The following MBP variants were observed in gnomAD, a reference collection of about 807,000 sequenced individuals.
The protein encoded by MBP is myelin basic protein, also known as Golli-MBP.
In MBP, 16 loss-of-function variants were observed where a neutral mutation model predicts 35.8. The observed-to-expected ratio is 0.45, with a 90% CI of 0.30 to 0.68. The LOEUF (loss-of-function observed/expected upper bound fraction) is 0.68, where lower values mean the gene tolerates loss of function less well. Among genes scored for constraint, MBP ranks in the 30% least tolerant of loss-of-function variants. MBP has a pLI of 0.08. For missense variants in MBP, 380 were observed against 404.7 expected, an observed-to-expected ratio of 0.94 and a Z score of 0.52; for synonymous variants, 143 against 159.6, an observed-to-expected ratio of 0.90 and a Z score of 0.78.
intron 2 of MBP, among the ~76,000 whole-genome samples, chr18:77,089,402 C>T (rs566365978): frequency 6.6e-6 from 1 of 152,314 alleles, no homozygotes; most frequent in Admixed American, 6.5e-5. Context: ...GGAGAGAAGA[C>T]AGAGAGCTAC....
intron 2 of MBP, among the ~76,000 whole-genome samples, chr18:77,069,723 G>T (rs1050364750): frequency 6.6e-6 from 1 of 152,184 alleles, no homozygotes; most frequent in African/African-American, 2.4e-5. Flanking sequence ...TTTCGAGGGT[G>T]GGGGCAGCAT....
intron 1 of MBP, 112 bp downstream of exon 1, chr18:77,132,468 G>T (rs1233857718): frequency 6.6e-6 from 1 of 152,200 alleles, no homozygotes; most frequent in Admixed American, 6.5e-5. Flanking sequence ...TGCGCCCCCG[G>T]CTCCCGCGGG....
intron 2 of MBP, among the ~76,000 whole-genome samples, chr18:77,094,837 A>G (rs1975694549): frequency 6.6e-6 from 1 of 152,178 alleles, no homozygotes; most frequent in Non-Finnish European, 1.5e-5. Context: ...TCGCTTAAAA[A>G]TATGACATTA....
At chr18:77,123,660 C>A (rs72973248) in intron 1 of MBP, among the ~76,000 whole-genome samples, 2,574 of 152,304 alleles carry the variant, frequency 0.017, 42 homozygotes, top group Non-Finnish European at 0.023. Context: ...AATTTGAATT[C>A]TCAGTGTAAT....
intron 1 of MBP, among the ~76,000 whole-genome samples, chr18:77,130,706 C>T (rs573885184): frequency 7.2e-4 from 108 of 150,182 alleles, no homozygotes; most frequent in South Asian, 4.4e-3. Flanking sequence ...TTCTTTTTTC[C>T]CCAGCGTTTC....
chr18:77,093,836 C>T (rs566115853), intron 2 of MBP, among the ~76,000 whole-genome samples: 1 of 152,300 alleles, frequency 6.6e-6, no homozygotes, highest in African/African-American at 2.4e-5. Context: ...GCTGCTGGCT[C>T]CCAAATGCAA....
chr18:77,088,172 C>T (rs919549920), intron 2 of MBP, among the ~76,000 whole-genome samples: 1 of 152,164 alleles, frequency 6.6e-6, no homozygotes, highest in African/African-American at 2.4e-5. Flanking sequence ...ATACTGTAGC[C>T]TGGGTGCTAT....
intron 2 of MBP, among the ~76,000 whole-genome samples, chr18:77,076,336 T>C (rs148158630): frequency 6.6e-6 from 1 of 152,204 alleles, no homozygotes; most frequent in Admixed American, 6.5e-5. Context: ...GGTGGGCCGT[T>C]TGAGTGCCCC....
chr18:77,056,247 T>A (rs2144730917), intron 3 of MBP, among the ~76,000 whole-genome samples: 1 of 152,364 alleles, frequency 6.6e-6, no homozygotes, highest in South Asian at 2.1e-4. Flanking sequence ...GGTGCTGCTC[T>A]AAACTGGAGG....
At position 76,979,745 on chromosome 18, in the gene MBP, C is replaced by G. The variant is rs1969072537; in HGVS notation, c.*682G>C. 1.7e-6 allele frequency: 1 copy of G among 576,958 alleles called. No homozygotes were observed. 35.7% of individuals were successfully genotyped at this position (576,958 alleles called of 1,614,324 possible). On this transcript the variant is annotated 3_prime_UTR_variant, in exon 9 of 9. Coordinates refer to ENST00000355994, the MANE Select transcript of MBP (RefSeq NM_001025101.2). The stretch of plus-strand genomic sequence containing the variant: ...CCCAGCCCACGTTTGCCTCCTTTTC[C>G]TCCCTCTGCCACACGCGAATTCAGC...
intron 2 of MBP, among the ~76,000 whole-genome samples, chr18:77,091,687 C>T (rs1975531467): frequency 3.3e-5 from 5 of 151,446 alleles, no homozygotes; most frequent in Admixed American, 3.3e-4. Context: ...CATGTATACA[C>T]CCCCACATCA....
At chr18:77,024,936 C>T (rs1972142813) in intron 3 of MBP, among the ~76,000 whole-genome samples, 1 of 152,236 alleles carries the variant, frequency 6.6e-6, no homozygotes, top group Non-Finnish European at 1.5e-5. Flanking sequence ...CACCCTCCCA[C>T]AAACGCTGCC....
intron 3 of MBP, among the ~76,000 whole-genome samples, chr18:77,054,400 G>T (rs1239874346): frequency 6.6e-6 from 1 of 152,250 alleles, no homozygotes; most frequent in Non-Finnish European, 1.5e-5. Context: ...GCCACACCCA[G>T]GAGGCTGCGG....
intron 3 of MBP, among the ~76,000 whole-genome samples, chr18:77,021,865 C>T (rs1407155957): frequency 1.3e-5 from 2 of 152,106 alleles, no homozygotes; most frequent in African/African-American, 4.8e-5. Context: ...GGGTCTTTGG[C>T]CAACTGCAGC....
rs185096291 is a variant in MBP at position 76,999,261 on chromosome 18, C to T, written c.577-9201G>A. Among the ~76,000 whole-genome samples the T allele has an allele frequency of 1.5e-3, 231 of 152,182 alleles. 1 individual carries two copies. Among genetic ancestry groups the T allele is most frequent in the African/African-American group, 5.3e-3 (221 of 41,528 alleles). On this transcript the variant is annotated intron_variant, in intron 4 of 8. Coordinates refer to ENST00000355994, the MANE Select transcript of MBP (RefSeq NM_001025101.2). The stretch of plus-strand genomic sequence containing the variant: ...CCATGGGGGACGCTGAAGCGGGTGG[C>T]GCACCCTCAAGCCTTCCCGGAGGAG...
At chr18:77,008,772 T>A (rs1971148694) in intron 4 of MBP, among the ~76,000 whole-genome samples, 1 of 152,198 alleles carries the variant, frequency 6.6e-6, no homozygotes, top group African/African-American at 2.4e-5. Flanking sequence ...CCCGCGGCGG[T>A]GCAGCCCTGG....
intron 3 of MBP, among the ~76,000 whole-genome samples, chr18:77,033,817 C>CCCA (rs935171124): frequency 4.0e-5 from 6 of 151,338 alleles, no homozygotes; most frequent in African/African-American, 1.5e-4. Flanking sequence ...CATCCACACA[C>CCCA]CCACCCACAT....
chr18:77,079,294 C>T (rs556113900), intron 2 of MBP, among the ~76,000 whole-genome samples: 1 of 152,322 alleles, frequency 6.6e-6, no homozygotes, highest in African/African-American at 2.4e-5. Flanking sequence ...ATGGCAGTGC[C>T]CAGGCAGGCA....
At position 77,010,768 on chromosome 18, in the gene MBP, C is replaced by T. The variant is rs17060237; in HGVS notation, c.576+6064G>A. On this transcript the variant is annotated intron_variant, in intron 4 of 8. Transcript: ENST00000355994. ...TAATGTATTATCTTTGTCAGTTACA[C>T]GAGAGTATCTGCTATATCAATGAAC... Among the ~76,000 whole-genome samples, 781 of 152,288 alleles carry T rather than the reference C, an allele frequency of 5.1e-3. 15 individuals carry two copies. The highest frequency in any genetic ancestry group is 0.051 in the South Asian group (246 of 4,830).
Sources: allele counts gnomAD v4.1 joint callset (sites outside exome capture counted in the v4.1 genomes callset), GRCh38; gene constraint gnomAD v4.1.1; transcripts MANE v1.5; gene names NCBI Gene and HGNC (gene_info 2026-07-23, HGNC 2026-07-21).